Variants in ZMAT4 observed in about 807,000 individuals in gnomAD.
The protein encoded by ZMAT4 is zinc finger matrin-type protein 4.
Under a neutral mutation model 28.7 loss-of-function variants are expected in ZMAT4, and 17 were observed. The ratio of observed to expected loss-of-function variants is 0.59; its 90% confidence interval spans 0.41 to 0.89. ZMAT4 has a LOEUF of 0.89. Ranked by LOEUF, ZMAT4 falls within the 40% of genes least tolerant of loss-of-function variation. The pLI, the probability that ZMAT4 is intolerant of heterozygous loss-of-function variation, is 0.00. For missense variants in ZMAT4, 240 were observed against 283.8 expected (o/e 0.85, Z 1.11); for synonymous variants, 117 against 109.2 (o/e 1.07, Z -0.44).
chr8:40,890,093 C>T (rs7827879), intron 1 of ZMAT4, among the ~76,000 whole-genome samples: 17,811 of 152,232 alleles, frequency 0.12, 1,161 homozygotes, highest in Non-Finnish European at 0.15. Context: ...AGACACTTTT[C>T]TTTTACATAT....
chr8:40,583,161 G>A (rs1447966688), intron 5 of ZMAT4, among the ~76,000 whole-genome samples: 1 of 152,132 alleles, frequency 6.6e-6, no homozygotes, highest in East Asian at 1.9e-4. Context: ...CTACCTAGAG[G>A]GCTTGAGGAG....
intron 1 of ZMAT4, among the ~76,000 whole-genome samples, chr8:40,852,041 C>T (rs1260141795): frequency 6.6e-6 from 1 of 152,000 alleles, no homozygotes; most frequent in Non-Finnish European, 1.5e-5. Context: ...GGACTACAGG[C>T]GCCTGACTAA....
intron 5 of ZMAT4, among the ~76,000 whole-genome samples, chr8:40,626,721 C>T (rs1003916284): frequency 6.6e-6 from 1 of 152,078 alleles, no homozygotes; most frequent in African/African-American, 2.4e-5. Context: ...ATAAAAATGT[C>T]CATGGATCTT....
intron 3 of ZMAT4, among the ~76,000 whole-genome samples, chr8:40,744,859 G>A (rs983583116): frequency 9.2e-5 from 14 of 152,196 alleles, no homozygotes; most frequent in Admixed American, 9.2e-4. Flanking sequence ...GCCCTTAGAA[G>A]GACAATAGGT....
At chr8:40,711,737 G>A (rs975415352) in intron 3 of ZMAT4, among the ~76,000 whole-genome samples, 3 of 152,302 alleles carry the variant, frequency 2.0e-5, no homozygotes, top group Non-Finnish European at 4.4e-5. Flanking sequence ...GTACATTAGT[G>A]ATAAAATTTT....
chr8:40,607,179 C>G (rs1332432613), intron 5 of ZMAT4, among the ~76,000 whole-genome samples: 9 of 127,474 alleles, frequency 7.1e-5, no homozygotes, highest in African/African-American at 2.7e-4. Flanking sequence ...GGCTGGAGTG[C>G]AGTGGCACGA....
intron 1 of ZMAT4, among the ~76,000 whole-genome samples, chr8:40,826,131 T>C (rs1198832945): frequency 4.6e-5 from 7 of 152,208 alleles, no homozygotes; most frequent in Non-Finnish European, 1.0e-4. Context: ...TTATGTGAGA[T>C]ATTTTTGCAT....
chr8:40,871,612 C>A (rs1817858869), intron 1 of ZMAT4, among the ~76,000 whole-genome samples: 1 of 152,164 alleles, frequency 6.6e-6, no homozygotes, highest in African/African-American at 2.4e-5. Context: ...GATTCCCAAC[C>A]AGGACATGGA....
At chr8:40,845,946 G>C (rs1346851392) in intron 1 of ZMAT4, among the ~76,000 whole-genome samples, 1 of 152,090 alleles carries the variant, frequency 6.6e-6, no homozygotes, top group Non-Finnish European at 1.5e-5. Flanking sequence ...CCAGCAGAGA[G>C]GAAGCAGGAC....
chr8:40,895,712 C>T (rs531747848), intron 1 of ZMAT4, among the ~76,000 whole-genome samples: 1 of 152,216 alleles, frequency 6.6e-6, no homozygotes, highest in South Asian at 2.1e-4. Flanking sequence ...TTTCCTATCA[C>T]GATAGAAATC....
intron 1 of ZMAT4, among the ~76,000 whole-genome samples, chr8:40,835,849 C>T (rs1816460748): frequency 6.6e-6 from 1 of 152,236 alleles, no homozygotes; most frequent in Admixed American, 6.5e-5. Context: ...TCCTCTACCG[C>T]ATATTAACTT....
At chr8:40,675,398 A>T (rs1180735555) in intron 4 of ZMAT4, among the ~76,000 whole-genome samples, 1 of 151,852 alleles carries the variant, frequency 6.6e-6, no homozygotes, top group East Asian at 1.9e-4. Flanking sequence ...GGACAAGCTC[A>T]ATGAGCCAGG....
intron 1 of ZMAT4, among the ~76,000 whole-genome samples, chr8:40,875,592 G>C (rs1358244705): frequency 6.6e-6 from 1 of 152,172 alleles, no homozygotes. Flanking sequence ...GAGTGTGTGT[G>C]GGGTGTGGTA....
chr8:40,661,788 C>T (rs889491378), intron 5 of ZMAT4, among the ~76,000 whole-genome samples: 3 of 152,146 alleles, frequency 2.0e-5, no homozygotes, highest in African/African-American at 7.2e-5. Flanking sequence ...AACCACTATG[C>T]TGAGCTCCTG....
At chr8:40,812,702 G>A (rs892831374) in intron 2 of ZMAT4, among the ~76,000 whole-genome samples, 12 of 152,046 alleles carry the variant, frequency 7.9e-5, no homozygotes, top group Non-Finnish European at 1.0e-4. Flanking sequence ...AGGCCGAGGC[G>A]GGCGGATCAC....
intron 6 of ZMAT4, among the ~76,000 whole-genome samples, chr8:40,570,914 A>G (rs1804076557): frequency 6.6e-6 from 1 of 152,056 alleles, no homozygotes. Flanking sequence ...TCAGAACCAC[A>G]TCGGGTAATG....
chr8:40,716,682 A>G (rs1236985335), intron 3 of ZMAT4, among the ~76,000 whole-genome samples: 1 of 152,038 alleles, frequency 6.6e-6, no homozygotes, highest in Non-Finnish European at 1.5e-5. Context: ...ACAGAACGAG[A>G]CTGTCTCAAA....
intron 6 of ZMAT4, among the ~76,000 whole-genome samples, chr8:40,567,058 G>A (rs1416728863): frequency 6.6e-6 from 1 of 152,148 alleles, no homozygotes; most frequent in East Asian, 1.9e-4. Context: ...CCTGTTGGGT[G>A]TCTTTAGAAG....
intron 1 of ZMAT4, among the ~76,000 whole-genome samples, chr8:40,889,515 A>G (rs888248492): frequency 6.6e-6 from 1 of 152,348 alleles, no homozygotes; most frequent in Admixed American, 6.5e-5. Flanking sequence ...TAAAGAAATC[A>G]AAAGTCATAT....
Sources: allele counts gnomAD v4.1 joint callset (sites outside exome capture counted in the v4.1 genomes callset), GRCh38; gene constraint gnomAD v4.1.1; transcripts MANE v1.5; gene names NCBI Gene and HGNC (gene_info 2026-07-23, HGNC 2026-07-21).